Variants in FANCC observed in about 807,000 individuals in gnomAD.
FANCC encodes FA complementation group C.
A neutral mutation model predicts 71.3 loss-of-function variants in FANCC; 55 were observed. The observed-to-expected ratio is 0.77, with a 90% CI of 0.62 to 0.97. FANCC has a LOEUF of 0.97. FANCC is among the 50% of genes least tolerant of loss of function. FANCC has a pLI of 0.00. For missense variants in FANCC, 678 were observed against 670.9 expected (o/e 1.01, Z -0.12); for synonymous variants, 275 against 244.9 (o/e 1.12, Z -1.15).
At chr9:95,229,803 ACAT>A (rs1829880227) in intron 4 of FANCC, among the ~76,000 whole-genome samples, 1 of 142,274 alleles carries the variant, frequency 7.0e-6, no homozygotes, top group African/African-American at 2.5e-5. Context: ...ACACACACAC[ACAT>A]TGTAATTCTT....
At chr9:95,287,043 T>C (rs1311112362) in intron 1 of FANCC, among the ~76,000 whole-genome samples, 2 of 152,150 alleles carry the variant, frequency 1.3e-5, no homozygotes, top group Non-Finnish European at 2.9e-5. Flanking sequence ...ATCACTTACA[T>C]GGTGCTTATT....
intron 1 of FANCC, among the ~76,000 whole-genome samples, chr9:95,252,275 A>C (rs1459376702): frequency 1.3e-4 from 5 of 39,036 alleles, no homozygotes; most frequent in African/African-American, 5.6e-4. Flanking sequence ...AGACTGATTC[A>C]AAAAAAAAAA....
intron 8 of FANCC, 70 bp downstream of exon 8, chr9:95,135,276 T>A: frequency 6.8e-7 from 1 of 1,466,082 alleles, no homozygotes; most frequent in Non-Finnish European, 9.5e-7. Context: ...CCTTTCATTC[T>A]CTGACTAAAA....
chr9:95,275,301 AAAAAT>A (rs1231874977), intron 1 of FANCC, among the ~76,000 whole-genome samples: 4 of 152,068 alleles, frequency 2.6e-5, no homozygotes, highest in South Asian at 2.1e-4. Context: ...TAAATAAACA[AAAAAT>A]AAAATAAAAT....
At chr9:95,284,750 T>C (rs1038034956) in intron 1 of FANCC, among the ~76,000 whole-genome samples, 1 of 152,014 alleles carries the variant, frequency 6.6e-6, no homozygotes, top group East Asian at 1.9e-4. Flanking sequence ...TGTACCAGTC[T>C]TACCAGACAA....
chr9:95,124,298 C>T (rs1479170369), intron 10 of FANCC, among the ~76,000 whole-genome samples: 1 of 152,066 alleles, frequency 6.6e-6, no homozygotes, highest in Non-Finnish European at 1.5e-5. Flanking sequence ...CCACTCTCGA[C>T]AGGCAATGTG....
At chr9:95,187,040 T>C (rs1250122825) in intron 4 of FANCC, among the ~76,000 whole-genome samples, 2 of 152,190 alleles carry the variant, frequency 1.3e-5, no homozygotes, top group African/African-American at 4.8e-5. Flanking sequence ...CCCAAAGTGC[T>C]GGGATTACAG....
rs1409515705 is a variant in FANCC at position 95,101,421 on chromosome 9, T to C, written c.*286A>G. The C allele has an allele frequency of 2.0e-6, 1 of 493,544 alleles. No individual in the cohort carries two copies. The highest frequency in any genetic ancestry group is 1.9e-5 in the African/African-American group (1 of 52,496). The allele number at this position is 493,544 out of a possible 1,614,324, so 30.6% of individuals were successfully genotyped here. On this transcript the variant is annotated 3_prime_UTR_variant, in exon 15 of 15. Transcript: ENST00000289081. ...AAACCTGTTCTCCCACCCAGGCCTT[T>C]GCTTTAGTAATTATCAAGCTGACGG...
intron 8 of FANCC, among the ~76,000 whole-genome samples, chr9:95,130,888 G>A (rs1826800717): frequency 6.6e-6 from 1 of 152,186 alleles, no homozygotes; most frequent in Non-Finnish European, 1.5e-5. Flanking sequence ...CATCTATCAT[G>A]TACAATGAGG....
intron 1 of FANCC, among the ~76,000 whole-genome samples, chr9:95,279,879 C>T (rs940043173): frequency 7.2e-6 from 1 of 138,028 alleles, no homozygotes; most frequent in Non-Finnish European, 1.5e-5. Flanking sequence ...ACCTGAGAGG[C>T]GGAGGCTGCA....
At chr9:95,281,906 T>C (rs541285760) in intron 1 of FANCC, among the ~76,000 whole-genome samples, 2 of 151,800 alleles carry the variant, frequency 1.3e-5, no homozygotes, top group South Asian at 4.2e-4. Flanking sequence ...CAAAAGCCTA[T>C]AATAGATACA....
Position 95,150,028 on chromosome 9 carries a change from G to T in FANCC, c.581C>A (p.Thr194Lys). ...AGCCTCCACCAGGGGGTCAACATCT[G>T]TCAGGGTAATAAGTGGGACACAAAC... The part of the protein sequence containing the change: ...SRVCVPLITL[T>K]DVDPLVEALL... Residue 194 changes from threonine (T) to lysine (K), a missense_variant, in exon 7 of 15, where the codon ACA becomes AAA. Transcript: ENST00000289081. The T allele has an allele frequency of 6.2e-7, 1 of 1,614,148 alleles. No homozygotes were observed. Among genetic ancestry groups the T allele is most frequent in the Admixed American group, 1.7e-5 (1 of 60,032 alleles).
In FANCC at chr9:95,135,388, ATT is replaced by A; in HGVS notation, c.799_800del (p.Asn267LeufsTer28). On this transcript the variant is annotated frameshift_variant, in exon 8 of 15. Transcript: ENST00000289081. LOFTEE classifies it high-confidence loss of function. ...LFEKLISSER[N>X]CLRRIECFIK... ...TAAAGCATTCGATCCTTCTCAGACAATTTCTCTCACTGGAGATTAGCTTTTCA... is the reference window on the plus strand; with the variant it reads ...TAAAGCATTCGATCCTTCTCAGACAATCTCTCACTGGAGATTAGCTTTTCA... 6.2e-7 allele frequency: 1 copy of A among 1,614,010 alleles called. No individual in the cohort carries two copies. The highest frequency in any genetic ancestry group is 8.5e-7 in the Non-Finnish European group (1 of 1,179,986).
chr9:95,258,539 T>C (rs1315558207), intron 1 of FANCC, among the ~76,000 whole-genome samples: 1 of 152,160 alleles, frequency 6.6e-6, no homozygotes, highest in Non-Finnish European at 1.5e-5. Flanking sequence ...GGAACGTATC[T>C]CAAAATAATA....
intron 1 of FANCC, among the ~76,000 whole-genome samples, chr9:95,269,152 G>A (rs1198539476): frequency 1.3e-5 from 2 of 152,140 alleles, no homozygotes; most frequent in Non-Finnish European, 2.9e-5. Flanking sequence ...AATTACCACA[G>A]TAAAATGAAT....
At chr9:95,238,539 A>G (rs530924140) in intron 4 of FANCC, among the ~76,000 whole-genome samples, 103 of 151,592 alleles carry the variant, frequency 6.8e-4, no homozygotes, top group African/African-American at 2.3e-3. Context: ...TGGCTACATG[A>G]TATCTCTGGC....
intron 1 of FANCC, among the ~76,000 whole-genome samples, chr9:95,279,232 A>G (rs1833229479): frequency 6.6e-6 from 1 of 151,960 alleles, no homozygotes; most frequent in Non-Finnish European, 1.5e-5. Flanking sequence ...CCATGAGAAT[A>G]GTTTGAGCCC....
intron 4 of FANCC, among the ~76,000 whole-genome samples, chr9:95,238,168 A>C (rs1377568188): frequency 6.6e-6 from 1 of 151,984 alleles, no homozygotes. Flanking sequence ...GGCTCTCTCT[A>C]GTTCCCCTGG....
intron 4 of FANCC, among the ~76,000 whole-genome samples, chr9:95,224,812 C>T (rs962121644): frequency 2.6e-5 from 4 of 152,102 alleles, no homozygotes; most frequent in African/African-American, 7.2e-5. Context: ...AAAGGAGTGA[C>T]GCATCTGAGG....
Sources: allele counts gnomAD v4.1 joint callset (sites outside exome capture counted in the v4.1 genomes callset), GRCh38; gene constraint gnomAD v4.1.1; transcripts MANE v1.5; gene names NCBI Gene and HGNC (gene_info 2026-07-23, HGNC 2026-07-21).